The following MLLT3 variants were observed in gnomAD, a reference collection of about 807,000 sequenced individuals.
MLLT3 encodes the protein MLLT3 super elongation complex subunit.
In MLLT3, 4 loss-of-function variants were observed where a neutral mutation model predicts 53.2. The ratio of observed to expected loss-of-function variants is 0.08; its 90% CI spans 0.04 to 0.17. The LOEUF is 0.17. MLLT3 is among the 10% of genes least tolerant of loss of function. The pLI, the probability that MLLT3 is intolerant of heterozygous loss-of-function variation, is 1.00. For synonymous variants in MLLT3, 283 were observed against 230.6 expected (o/e 1.23, Z -2.06); for missense variants, 569 against 684.0 (o/e 0.83, Z 1.87).
chr9:20,521,107 T>C (rs1003477089), intron 2 of MLLT3, among the ~76,000 whole-genome samples: 37 of 151,928 alleles, frequency 2.4e-4, no homozygotes, highest in African/African-American at 8.7e-4. Flanking sequence ...AGTCTTGCTC[T>C]GTCACCCAAG....
intron 5 of MLLT3, among the ~76,000 whole-genome samples, chr9:20,392,612 G>A (rs934004472): frequency 6.6e-6 from 1 of 151,932 alleles, no homozygotes; most frequent in Non-Finnish European, 1.5e-5. Context: ...ATTTCTACTC[G>A]ATGAGAATTT....
At chr9:20,508,077 AAT>A (rs1189149038) in intron 2 of MLLT3, among the ~76,000 whole-genome samples, 1 of 152,180 alleles carries the variant, frequency 6.6e-6, no homozygotes, top group African/African-American at 2.4e-5. Context: ...ATCACAATAA[AAT>A]AGTTTAGCAT....
At chr9:20,464,057 T>C (rs1020492978) in intron 2 of MLLT3, among the ~76,000 whole-genome samples, 3 of 152,046 alleles carry the variant, frequency 2.0e-5, no homozygotes, top group Non-Finnish European at 2.9e-5. Flanking sequence ...CAATCGCCTT[T>C]TGATTTCTGT....
chr9:20,456,648 T>A, intron 3 of MLLT3, 56 bp downstream of exon 3: 1 of 1,189,910 alleles, frequency 8.4e-7, no homozygotes, highest in Non-Finnish European at 1.2e-6. Context: ...ATTTTAAACA[T>A]CATTTGGCTA....
intron 5 of MLLT3, among the ~76,000 whole-genome samples, chr9:20,369,103 G>T (rs1821527741): frequency 2.0e-5 from 3 of 152,172 alleles, no homozygotes; most frequent in Admixed American, 6.5e-5. Flanking sequence ...AATTTATAAA[G>T]CATCACAGGT....
At chr9:20,561,215 T>C (rs557974172) in intron 2 of MLLT3, among the ~76,000 whole-genome samples, 4 of 152,174 alleles carry the variant, frequency 2.6e-5, no homozygotes, top group Admixed American at 6.5e-5. Context: ...TGGAGCACTG[T>C]ATTAAAAATT....
intron 2 of MLLT3, among the ~76,000 whole-genome samples, chr9:20,505,576 T>C (rs1563791481): frequency 1.3e-5 from 2 of 152,248 alleles, no homozygotes; most frequent in African/African-American, 2.4e-5. Flanking sequence ...GGTTAGCCTA[T>C]AAGTTCTAAA....
intron 5 of MLLT3, 69 bp downstream of exon 5, chr9:20,413,652 T>C (rs1458342677): frequency 7.5e-7 from 1 of 1,334,908 alleles, no homozygotes; most frequent in Non-Finnish European, 1.0e-6. Flanking sequence ...CCTCATTCTT[T>C]ATTACAAAGC....
Position 20,533,998 on chromosome 9 carries a change from T to C in MLLT3, c.194-77212A>G, listed in dbSNP as rs80207091. Among the ~76,000 whole-genome samples the C allele has an allele frequency of 0.011, 1,633 of 152,314 alleles. 73 individuals are homozygous for C. The East Asian group carries it at 0.15, about 14-fold the overall frequency. ...GATGGTGATGGATATGTGAATTAAT[T>C]TGTGGTAGTCATGGCACAATGTACA... On this transcript the variant is annotated intron_variant, in intron 2 of 10. Transcript: ENST00000380338.
intron 5 of MLLT3, among the ~76,000 whole-genome samples, chr9:20,401,011 G>T (rs1432048116): frequency 6.6e-6 from 1 of 152,164 alleles, no homozygotes; most frequent in Non-Finnish European, 1.5e-5. Context: ...TTGAGTTAAT[G>T]TGATAAGAAT....
intron 2 of MLLT3, among the ~76,000 whole-genome samples, chr9:20,536,437 C>T (rs1280703605): frequency 6.6e-6 from 1 of 152,120 alleles, no homozygotes; most frequent in Non-Finnish European, 1.5e-5. Context: ...AAAGAGTATA[C>T]TGGGATTATT....
intron 2 of MLLT3, among the ~76,000 whole-genome samples, chr9:20,521,703 T>C (rs1563799378): frequency 6.6e-6 from 1 of 152,134 alleles, no homozygotes; most frequent in African/African-American, 2.4e-5. Flanking sequence ...AAGTAATGCA[T>C]GAAAAAGAAA....
intron 2 of MLLT3, among the ~76,000 whole-genome samples, chr9:20,567,965 G>C (rs1163762996): frequency 1.3e-5 from 2 of 152,078 alleles, no homozygotes; most frequent in Admixed American, 6.6e-5. Flanking sequence ...GCTGCCTTCA[G>C]GAACAATTAA....
intron 2 of MLLT3, among the ~76,000 whole-genome samples, chr9:20,487,089 T>C (rs780536304): frequency 3.2e-4 from 48 of 152,284 alleles, no homozygotes; most frequent in African/African-American, 1.0e-3. Flanking sequence ...TGTATTCATC[T>C]ATGTTTATCA....
At chr9:20,573,781 G>C (rs1563824728) in intron 2 of MLLT3, among the ~76,000 whole-genome samples, 1 of 152,126 alleles carries the variant, frequency 6.6e-6, no homozygotes, top group Non-Finnish European at 1.5e-5. Context: ...ACTAATTATT[G>C]AGCTGTTCTT....
rs71334526 is a variant in MLLT3, at chr9:20,343,183, CAAAAAAAAAAAAAAAAAAAA to C, written c.*3240_*3259del. ...TAGGTGGGCCTGTAAAAGATATCGG[CAAAAAAAAAAAAAAAAAAAA>C]AAAAAAAAAAATTTTGAAGAAACTT... On this transcript the variant is annotated 3_prime_UTR_variant, in exon 11 of 11. Transcript: ENST00000380338. 1.9e-3 allele frequency: 78 copies of C among 40,350 alleles called. 5 individuals are homozygous for C. The East Asian group carries it at 0.046, about 24-fold the overall frequency. 2.5% of individuals were successfully genotyped at this position (40,350 alleles called of 1,614,324 possible). A position where few individuals can be genotyped will look rare whatever the true frequency, so the allele number is the denominator to read the frequency against.
At chr9:20,500,830 T>C (rs545626687) in intron 2 of MLLT3, among the ~76,000 whole-genome samples, 7 of 152,260 alleles carry the variant, frequency 4.6e-5, no homozygotes, top group African/African-American at 1.2e-4. Context: ...CTAATAGCAA[T>C]CTCTTGATGC....
chr9:20,363,579 G>C lies in MLLT3; in HGVS notation c.1228C>G (p.Leu410Val), dbSNP rs1033444825. Reference protein sequence around the residue: ...QGPLRSIMKDLHSDDNEEESD... With the variant: ...QGPLRSIMKDVHSDDNEEESD... ...TCCTCCTCATTGTCATCAGAATGCA[G>C]ATCTTTCATTATAGACCTCAAAGGA... The change falls in exon 7 of 11, where the codon CTG becomes GTG. Residue 410 changes from leucine (L) to valine (V), a missense_variant. Transcript: ENST00000380338. 8 of 1,613,778 alleles carry C rather than the reference G, an allele frequency of 5.0e-6. No homozygotes were observed. Among genetic ancestry groups the C allele is most frequent in the Non-Finnish European group, 5.9e-6 (7 of 1,179,960 alleles).
At chr9:20,545,500 A>G (rs1476447291) in intron 2 of MLLT3, among the ~76,000 whole-genome samples, 1 of 152,196 alleles carries the variant, frequency 6.6e-6, no homozygotes, top group Non-Finnish European at 1.5e-5. Context: ...AGCAACATGC[A>G]TGTGGTTGGC....
Sources: gnomAD v4.1 joint callset for allele counts (sites outside exome capture counted in the v4.1 genomes callset) on GRCh38, gnomAD v4.1.1 for gene constraint, MANE v1.5 for transcripts, NCBI Gene and HGNC (gene_info 2026-07-23, HGNC 2026-07-21) for gene names.